The following LAMC2 variants were observed in gnomAD, a reference collection of about 807,000 sequenced individuals.
The protein encoded by LAMC2 is laminin subunit gamma-2.
LAMC2 carries 97 observed loss-of-function variants against 140.2 expected under a neutral mutation model. The ratio of observed to expected loss-of-function variants is 0.69; its 90% CI spans 0.59 to 0.82. LAMC2 has a LOEUF of 0.82. Among genes scored for constraint, LAMC2 ranks in the 40% least tolerant of loss-of-function variants. The pLI, the probability that LAMC2 is intolerant of heterozygous loss-of-function variation, is 0.00. For synonymous variants in LAMC2, 513 were observed against 540.2 expected, an observed-to-expected ratio of 0.95 and a Z score of 0.70; for missense variants, 1,402 against 1,476.1, an observed-to-expected ratio of 0.95 and a Z score of 0.82.
At chr1:183,255,894 C>A in the LAMC2 span, among the ~76,000 whole-genome samples, 3 of 151,746 alleles carry the variant, frequency 2.0e-5, no homozygotes, top group African/African-American at 7.3e-5. Flanking sequence ...TAACTCCTAA[C>A]CTCAAGTGAT....
At chr1:183,234,517 G>T in intron 15 of LAMC2, 71 bp downstream of exon 15, 1 of 1,189,616 alleles carries the variant, frequency 8.4e-7, no homozygotes, top group South Asian at 1.2e-5. Flanking sequence ...AGAGTGTAGG[G>T]TATTAGGGAC....
At chr1:183,258,773 A>T in the LAMC2 span, among the ~76,000 whole-genome samples, 1 of 152,060 alleles carries the variant, frequency 6.6e-6, no homozygotes, top group Non-Finnish European at 1.5e-5. Flanking sequence ...AAACTGGCTT[A>T]TTTGAATTTG....
chr1:183,207,730 C>G lies in LAMC2; in HGVS notation c.80-151C>G, dbSNP rs562898673. 6.5e-5 allele frequency: 46 copies of G among 703,964 alleles called. No homozygotes were observed. In the African/African-American group the frequency reaches 7.3e-4, roughly 11 times the overall value. 43.6% of individuals were successfully genotyped at this position (703,964 alleles called of 1,614,324 possible). A position where few individuals can be genotyped will look rare whatever the true frequency, so the allele number is the denominator to read the frequency against. On this transcript the variant is annotated intron_variant, in intron 1 of 22. Transcript: ENST00000264144. ...CCCGGGGTCCCTGCACTGCCAATTG[C>G]ACTCCCATATCTTCCTCCCGCAAGG...
At chr1:183,192,382 A>G (rs898790871) in intron 1 of LAMC2, among the ~76,000 whole-genome samples, 2 of 152,254 alleles carry the variant, frequency 1.3e-5, no homozygotes, top group Non-Finnish European at 2.9e-5. Context: ...GCTCAGCTGC[A>G]CTGATGTGGG....
chr1:183,204,710 G>C (rs1032004846), intron 1 of LAMC2, among the ~76,000 whole-genome samples: 5 of 152,272 alleles, frequency 3.3e-5, no homozygotes, highest in African/African-American at 1.2e-4. Context: ...ACAGAAGAGG[G>C]ATGTGATAGA....
chr1:183,231,786 T>C (rs911106111), intron 12 of LAMC2, among the ~76,000 whole-genome samples: 4 of 152,208 alleles, frequency 2.6e-5, no homozygotes, highest in Admixed American at 2.0e-4. Flanking sequence ...TTCAAACTGA[T>C]CTATTTAACA....
At chr1:183,187,379 G>T (rs1287535255) in intron 1 of LAMC2, among the ~76,000 whole-genome samples, 1 of 152,046 alleles carries the variant, frequency 6.6e-6, no homozygotes, top group African/African-American at 2.4e-5. Context: ...TGAGTGGCAT[G>T]AATAATGTTT....
chr1:183,237,411 G>A lies in LAMC2; in HGVS notation c.2661G>A (p.Arg887=), dbSNP rs201470150. 6.2e-7 allele frequency: 1 copy of A among 1,614,114 alleles called. No individual in the cohort carries two copies. ...ATTCACTCTCAAGCCTGGTAACCAG[G>A]CATATGGATGAGTTCAAGCGTACAC... is the stretch of plus-strand genomic sequence containing the variant. The part of the protein sequence containing the change: ...KADSLSSLVT[R]HMDEFKRTQK... Residue 887 remains arginine, a synonymous_variant, in exon 18 of 23, where the codon AGG becomes AGA. Coordinates refer to ENST00000264144, the MANE Select transcript of LAMC2 (RefSeq NM_005562.3).
At position 183,186,620 on chromosome 1, in the gene LAMC2, A is replaced by G. The variant is rs577770176; in HGVS notation, c.79+189A>G. On this transcript the variant is annotated intron_variant, in intron 1 of 22. Transcript: ENST00000264144. Reference sequence around the variant, plus strand: ...TTAAATGAGACTAATATATAAAGCTATCTGCTTTTTAAAAATAGTAAGACA... The same window carrying G: ...TTAAATGAGACTAATATATAAAGCTGTCTGCTTTTTAAAAATAGTAAGACA... Among the ~76,000 whole-genome samples, 135 of 152,316 alleles carry G rather than the reference A, an allele frequency of 8.9e-4. No homozygotes were observed. In the Middle Eastern group the frequency reaches 0.01, roughly 12 times the overall value.
At chr1:183,256,881 A>C in the LAMC2 span, among the ~76,000 whole-genome samples, 3 of 151,986 alleles carry the variant, frequency 2.0e-5, no homozygotes, top group Non-Finnish European at 4.4e-5. Flanking sequence ...CCTCCCAAGT[A>C]GCTGGGATTA....
At chr1:183,207,570 G>A (rs1474276310) in intron 1 of LAMC2, among the ~76,000 whole-genome samples, 2 of 152,082 alleles carry the variant, frequency 1.3e-5, no homozygotes, top group Non-Finnish European at 2.9e-5. Flanking sequence ...AGAAATATCC[G>A]CATAAAAATG....
intron 2 of LAMC2, among the ~76,000 whole-genome samples, chr1:183,209,762 A>G (rs1006497076): frequency 1.3e-5 from 2 of 152,202 alleles, no homozygotes; most frequent in Non-Finnish European, 2.9e-5. Context: ...AGACAAGGTT[A>G]TTAGTCTCAG....
rs904941590 is a variant in LAMC2 at position 183,244,063 on chromosome 1, G to A, written c.*663G>A. ...TGCCACCTTCAAGTTCTGGACCTGG[G>A]CATGACATCCTTTCTTTTAATGATG... is the stretch of plus-strand genomic sequence containing the variant. On this transcript the variant is annotated 3_prime_UTR_variant, in exon 23 of 23. Transcript: ENST00000264144. 2.0e-5 allele frequency: 3 copies of A among 152,410 alleles called. No homozygotes were observed. The highest frequency in any genetic ancestry group is 7.2e-5 in the African/African-American group (3 of 41,440). The allele number at this position is 152,410 out of a possible 1,614,324, so 9.4% of individuals were successfully genotyped here.
intron 8 of LAMC2, among the ~76,000 whole-genome samples, chr1:183,226,405 A>G (rs1659627699): frequency 6.6e-6 from 1 of 152,176 alleles, no homozygotes; most frequent in South Asian, 2.1e-4. Context: ...GATAAATACC[A>G]CCGTTACTTC....
intron 2 of LAMC2, among the ~76,000 whole-genome samples, chr1:183,211,871 A>ATT (rs1175483761): frequency 6.6e-6 from 1 of 152,184 alleles, no homozygotes; most frequent in Non-Finnish European, 1.5e-5. Flanking sequence ...TGTAGGCTAT[A>ATT]TCTATATAAA....
intron 2 of LAMC2, among the ~76,000 whole-genome samples, chr1:183,209,725 T>C (rs1659013987): frequency 6.6e-6 from 1 of 152,314 alleles, no homozygotes; most frequent in African/African-American, 2.4e-5. Context: ...AGAAATTTAA[T>C]TGGCTCAGCT....
chr1:183,201,356 C>G (rs186830545), intron 1 of LAMC2, among the ~76,000 whole-genome samples: 1 of 151,996 alleles, frequency 6.6e-6, no homozygotes. Context: ...CGAACCCATA[C>G]CTGGGTTCCA....
the LAMC2 span, chr1:183,251,946 T>C: frequency 6.4e-5 from 10 of 156,034 alleles, no homozygotes; most frequent in South Asian, 1.9e-4. Flanking sequence ...TGTGTGTGTG[T>C]GCGTGTGTGT....
chr1:183,221,059 T>G, intron 5 of LAMC2, 98 bp downstream of exon 5: 1 of 1,162,082 alleles, frequency 8.6e-7, no homozygotes, highest in Admixed American at 1.8e-5. Context: ...GGATTCTCTT[T>G]AGAAATTCTC....
Sources: allele counts gnomAD v4.1 joint callset (sites outside exome capture counted in the v4.1 genomes callset), GRCh38; gene constraint gnomAD v4.1.1; transcripts MANE v1.5; gene names NCBI Gene and HGNC (gene_info 2026-07-23, HGNC 2026-07-21).